Variants in CDH19 observed in about 807,000 individuals in gnomAD.
The protein encoded by CDH19 is cadherin-19.
A neutral mutation model predicts 64.2 loss-of-function variants in CDH19; 67 were observed. That is an observed-to-expected ratio of 1.04 (90% CI 0.86 to 1.28). The LOEUF (loss-of-function observed/expected upper bound fraction) is 1.28, where lower values mean the gene tolerates loss of function less well. Ranked by LOEUF, CDH19 falls within the 50% of genes most tolerant of loss-of-function variation. The probability of loss-of-function intolerance (pLI) is 0.00; values close to 1 mark genes in which losing one functional copy is unlikely to be tolerated. For synonymous variants in CDH19, 346 were observed against 319.3 expected (o/e 1.08, Z -0.89); for missense variants, 1,030 against 929.0 (o/e 1.11, Z -1.41).
chr18:66,522,286 A>C (rs1986029579), intron 9 of CDH19, among the ~76,000 whole-genome samples: 1 of 151,684 alleles, frequency 6.6e-6, no homozygotes, highest in Admixed American at 6.6e-5. Flanking sequence ...CTTGTTACCC[A>C]GGCTGGAGTG....
chr18:66,520,556 A>C (rs1985940342), intron 9 of CDH19, among the ~76,000 whole-genome samples: 1 of 152,056 alleles, frequency 6.6e-6, no homozygotes, highest in Non-Finnish European at 1.5e-5. Flanking sequence ...ATTGTAAAGC[A>C]TAATTTTAAG....
chr18:66,511,533 A>T, intron 10 of CDH19, 35 bp downstream of exon 10: 2 of 888,514 alleles, frequency 2.3e-6, no homozygotes, highest in Non-Finnish European at 3.7e-6. Context: ...AGTCACAAAA[A>T]TGTATCAAAA....
intron 5 of CDH19, among the ~76,000 whole-genome samples, chr18:66,547,698 C>T (rs1219672446): frequency 2.7e-5 from 3 of 112,992 alleles, no homozygotes; most frequent in Admixed American, 2.3e-4. Flanking sequence ...GACGGAGTCT[C>T]GCTCTGTCGC....
At chr18:66,551,918 A>G (rs1002889341) in intron 4 of CDH19, among the ~76,000 whole-genome samples, 2 of 152,056 alleles carry the variant, frequency 1.3e-5, no homozygotes, top group South Asian at 2.1e-4. Context: ...CAACATTTCT[A>G]AAGATTTGGG....
At chr18:66,554,312 C>G in intron 4 of CDH19, 93 bp downstream of exon 4, 1 of 1,251,536 alleles carries the variant, frequency 8.0e-7, no homozygotes, top group Non-Finnish European at 1.1e-6. Context: ...CATATCAGGA[C>G]TACTGTAAAA....
Position 66,567,972 on chromosome 18 carries a change from T to C in CDH19, c.490+444A>G, listed in dbSNP as rs1478945365. Among the ~76,000 whole-genome samples the C allele has an allele frequency of 4.6e-5, 7 of 151,774 alleles. 1 individual carries two copies. The highest frequency in any genetic ancestry group is 1.0e-4 in the Non-Finnish European group (7 of 67,870). ...ACACAGGTGTTCAACCACTTAGTTT[T>C]GTCTTAGTGGTTTTTTCTTCATGAT... is the stretch of plus-strand genomic sequence containing the variant. On this transcript the variant is annotated intron_variant, in intron 3 of 11. Coordinates refer to ENST00000262150, the MANE Select transcript of CDH19 (RefSeq NM_021153.4).
rs1984982237 is a variant in CDH19, at chr18:66,502,358, G to A, written c.*2454C>T. On this transcript the variant is annotated 3_prime_UTR_variant, in exon 12 of 12. Transcript: ENST00000262150. ...GAATCTATTTTAATATATCTCTTTA[G>A]TGCCACTGGACACAAGTATTAAAAC... 1 of 151,924 alleles carries A rather than the reference G, an allele frequency of 6.6e-6. No homozygotes were observed. The highest frequency in any genetic ancestry group is 6.6e-5 in the Admixed American group (1 of 15,236). The allele number at this position is 151,924 out of a possible 1,614,324, so 9.4% of individuals were successfully genotyped here. A position where few individuals can be genotyped will look rare whatever the true frequency, so the allele number is the denominator to read the frequency against.
chr18:66,516,037 G>A (rs1985721552), intron 9 of CDH19, among the ~76,000 whole-genome samples: 2 of 151,854 alleles, frequency 1.3e-5, no homozygotes, highest in African/African-American at 4.8e-5. Context: ...AACACCTAAA[G>A]TACTTAATAC....
At chr18:66,586,370 A>G (rs1239103806) in intron 1 of CDH19, among the ~76,000 whole-genome samples, 1 of 152,092 alleles carries the variant, frequency 6.6e-6, no homozygotes, top group Admixed American at 6.6e-5. Flanking sequence ...TAAAAAACAC[A>G]TCTTACCTCT....
intron 7 of CDH19, among the ~76,000 whole-genome samples, chr18:66,539,849 T>C (rs1250141616): frequency 6.6e-6 from 1 of 152,094 alleles, no homozygotes; most frequent in Non-Finnish European, 1.5e-5. Context: ...CATGTGTATG[T>C]ATACATATTT....
intron 7 of CDH19, among the ~76,000 whole-genome samples, chr18:66,541,260 T>C (rs1986875240): frequency 6.6e-6 from 1 of 152,144 alleles, no homozygotes; most frequent in Non-Finnish European, 1.5e-5. Context: ...GTTGAATGAA[T>C]TGGGGCTAAT....
At chr18:66,552,451 A>T (rs909142607) in intron 4 of CDH19, among the ~76,000 whole-genome samples, 4 of 152,050 alleles carry the variant, frequency 2.6e-5, no homozygotes, top group African/African-American at 9.7e-5. Context: ...AGGGGATTTT[A>T]GTTGCGGACT....
At chr18:66,555,887 C>T (rs769541266) in intron 3 of CDH19, among the ~76,000 whole-genome samples, 4 of 151,708 alleles carry the variant, frequency 2.6e-5, no homozygotes, top group Non-Finnish European at 5.9e-5. Flanking sequence ...TAAGGGGTTC[C>T]CATCCCTGGT....
At chr18:66,565,474 T>C (rs1458195486) in intron 3 of CDH19, among the ~76,000 whole-genome samples, 1 of 151,812 alleles carries the variant, frequency 6.6e-6, no homozygotes, top group Non-Finnish European at 1.5e-5. Context: ...AACAGCAAAA[T>C]GTTTGCAATA....
intron 1 of CDH19, among the ~76,000 whole-genome samples, chr18:66,572,626 ACTTG>A (rs1988141875): frequency 6.6e-6 from 1 of 151,634 alleles, no homozygotes; most frequent in Admixed American, 6.6e-5. Flanking sequence ...TTTTAATTTG[ACTTG>A]CTTACTTTCT....
At chr18:66,546,452 T>G (rs1987121593) in intron 5 of CDH19, among the ~76,000 whole-genome samples, 1 of 152,210 alleles carries the variant, frequency 6.6e-6, no homozygotes, top group South Asian at 2.1e-4. Context: ...GAGTTGATAT[T>G]AAACTATTGG....
chr18:66,516,710 G>C (rs1489400026), intron 9 of CDH19, among the ~76,000 whole-genome samples: 1 of 151,986 alleles, frequency 6.6e-6, no homozygotes, highest in Non-Finnish European at 1.5e-5. Flanking sequence ...TGTGAGATTG[G>C]ATGAAGGAAA....
rs528173727 is a variant in CDH19 at position 66,552,822 on chromosome 18, G to T, written c.611-1564C>A. On this transcript the variant is annotated intron_variant, in intron 4 of 11. Coordinates refer to ENST00000262150, the MANE Select transcript of CDH19 (RefSeq NM_021153.4). Reference sequence around the variant, plus strand: ...GGGGCTGGGGGTGGAAAGAAAACATGGTCACGAAGGCCTGGTATGACCCAG... The same window carrying T: ...GGGGCTGGGGGTGGAAAGAAAACATTGTCACGAAGGCCTGGTATGACCCAG... 9.7e-5 allele frequency among the ~76,000 whole-genome samples: 13 copies of T among 133,876 alleles called. 1 individual carries two copies. In the East Asian group the frequency reaches 2.3e-3, roughly 24 times the overall value. 87.8% of individuals were successfully genotyped at this position (133,876 alleles called of 152,430 possible). A position where few individuals can be genotyped will look rare whatever the true frequency, so the allele number is the denominator to read the frequency against.
At chr18:66,521,278 T>A (rs1985970057) in intron 9 of CDH19, among the ~76,000 whole-genome samples, 1 of 152,152 alleles carries the variant, frequency 6.6e-6, no homozygotes, top group Non-Finnish European at 1.5e-5. Flanking sequence ...GTTAAAACAT[T>A]CAGAATGATA....
Sources: gnomAD v4.1 joint callset for allele counts (sites outside exome capture counted in the v4.1 genomes callset) on GRCh38, gnomAD v4.1.1 for gene constraint, MANE v1.5 for transcripts, NCBI Gene and HGNC (gene_info 2026-07-23, HGNC 2026-07-21) for gene names.